PLPP3: variants seen among roughly 807,000 people sequenced by gnomAD.
The protein encoded by PLPP3 is PAP2 beta.
In PLPP3, 6 loss-of-function variants were observed where a neutral mutation model predicts 29.6. That is an observed-to-expected ratio of 0.20 (90% CI 0.11 to 0.40). The LOEUF is 0.40. Among genes scored for constraint, PLPP3 ranks in the 10% least tolerant of loss-of-function variants. The probability of loss-of-function intolerance (pLI) is 1.00; values close to 1 mark genes in which losing one functional copy is unlikely to be tolerated. For synonymous variants in PLPP3, 152 were observed against 159.7 expected, an observed-to-expected ratio of 0.95 and a Z score of 0.36; for missense variants, 308 against 407.7, an observed-to-expected ratio of 0.76 and a Z score of 2.11.
At chr1:56,554,758 G>A (rs1222417572) in intron 1 of PLPP3, among the ~76,000 whole-genome samples, 1 of 152,076 alleles carries the variant, frequency 6.6e-6, no homozygotes, top group African/African-American at 2.4e-5. Flanking sequence ...AGCCTATGTA[G>A]AGTTTTAAAG....
intron 1 of PLPP3, among the ~76,000 whole-genome samples, chr1:56,537,318 G>A (rs1019300877): frequency 7.9e-5 from 12 of 152,068 alleles, no homozygotes; most frequent in African/African-American, 2.9e-4. Flanking sequence ...ACCCCCATGA[G>A]GAGAGAGGCA....
Position 56,496,449 on chromosome 1 carries a change from A to T in PLPP3, c.*102T>A, listed in dbSNP as rs1645631614. ...TTTCCTTTTTAAAAATCAGTCGGGC[A>T]AAAGTTTTTCCCTACATTCTACTGT... On this transcript the variant is annotated 3_prime_UTR_variant, in exon 6 of 6. Transcript: ENST00000371250. The T allele has an allele frequency of 2.1e-6, 3 of 1,408,394 alleles. No homozygotes were observed. Among genetic ancestry groups the T allele is most frequent in the Non-Finnish European group, 2.9e-6 (3 of 1,037,970 alleles). The allele number at this position is 1,408,394 out of a possible 1,614,324, so 87.2% of individuals were successfully genotyped here. A position where few individuals can be genotyped will look rare whatever the true frequency, so the allele number is the denominator to read the frequency against.
At chr1:56,567,161 A>T (rs938009577) in intron 1 of PLPP3, among the ~76,000 whole-genome samples, 8 of 152,128 alleles carry the variant, frequency 5.3e-5, no homozygotes, top group African/African-American at 1.9e-4. Flanking sequence ...TCAGTGGGTG[A>T]GCGGGTCTAG....
intron 2 of PLPP3, among the ~76,000 whole-genome samples, chr1:56,533,284 A>C (rs1220129543): frequency 6.6e-6 from 1 of 152,040 alleles, no homozygotes; most frequent in Non-Finnish European, 1.5e-5. Flanking sequence ...CGGACTCCTG[A>C]CCTCAAGTGA....
chr1:56,544,398 C>T lies in PLPP3; in HGVS notation c.140-7286G>A, dbSNP rs550809017. ...TCTAGTGAAACACAACTACCAGAGC[C>T]AACAGGACTCATAATCCTTCCATCC... On this transcript the variant is annotated intron_variant, in intron 1 of 5. Transcript: ENST00000371250. Among the ~76,000 whole-genome samples, 4 of 152,280 alleles carry T rather than the reference C, an allele frequency of 2.6e-5. No homozygotes were observed. In the South Asian group the frequency reaches 8.3e-4, roughly 32 times the overall value.
intron 5 of PLPP3, among the ~76,000 whole-genome samples, chr1:56,504,243 C>T (rs571582549): frequency 2.0e-5 from 3 of 152,148 alleles, no homozygotes; most frequent in Non-Finnish European, 4.4e-5. Flanking sequence ...AGTGGGAGGA[C>T]GGCTTGAGCC....
chr1:56,514,115 C>T (rs953986398), intron 4 of PLPP3, among the ~76,000 whole-genome samples: 1 of 150,918 alleles, frequency 6.6e-6, no homozygotes, highest in Non-Finnish European at 1.5e-5. Flanking sequence ...GTGCTAAAGA[C>T]AAAGAAAAAT....
At chr1:56,501,527 C>A (rs916392486) in intron 5 of PLPP3, among the ~76,000 whole-genome samples, 2 of 152,136 alleles carry the variant, frequency 1.3e-5, no homozygotes, top group South Asian at 2.1e-4. Flanking sequence ...CTCTCCCCAG[C>A]CCCTGGTAAC....
intron 1 of PLPP3, among the ~76,000 whole-genome samples, chr1:56,554,496 C>T (rs548653975): frequency 8.6e-5 from 13 of 150,316 alleles, no homozygotes; most frequent in South Asian, 2.1e-4. Flanking sequence ...GGCGTGAACC[C>T]GGGAGGCGGA....
In PLPP3 at chr1:56,523,807, A is replaced by G. The variant is rs761144318; in HGVS notation, c.633+16T>C. ...CTGGAACTGAGCACTGCTCAAATCA[A>G]AGGGTGGGTACTTACCACCAAATAC... On this transcript the variant is annotated intron_variant, in intron 4 of 5. Transcript: ENST00000371250. 1.9e-6 allele frequency: 3 copies of G among 1,610,462 alleles called. No homozygotes were observed. Among genetic ancestry groups the G allele is most frequent in the Admixed American group, 3.3e-5 (2 of 59,968 alleles).
intron 1 of PLPP3, among the ~76,000 whole-genome samples, chr1:56,552,660 T>C (rs774616983): frequency 6.6e-6 from 1 of 152,186 alleles, no homozygotes; most frequent in Non-Finnish European, 1.5e-5. Context: ...CCTGCAGTTC[T>C]CCTCTCCCTT....
chr1:56,507,923 G>A (rs1645714557), intron 5 of PLPP3, among the ~76,000 whole-genome samples: 1 of 152,312 alleles, frequency 6.6e-6, no homozygotes, highest in South Asian at 2.1e-4. Context: ...ATGGGGCCAT[G>A]AGTCAAGGAA....
intron 1 of PLPP3, among the ~76,000 whole-genome samples, chr1:56,560,984 CCTG>C (rs1646122457): frequency 6.6e-6 from 1 of 150,986 alleles, no homozygotes; most frequent in Non-Finnish European, 1.5e-5. Context: ...ATTACAGGCG[CCTG>C]CCACCATGCC....
intron 1 of PLPP3, among the ~76,000 whole-genome samples, chr1:56,543,261 C>T (rs1196681877): frequency 3.9e-5 from 6 of 152,132 alleles, no homozygotes; most frequent in East Asian, 1.9e-4. Flanking sequence ...TTAATCTCCA[C>T]GATAGCTATG....
chr1:56,496,287 C>G lies in PLPP3; in HGVS notation c.*264G>C. On this transcript the variant is annotated 3_prime_UTR_variant, in exon 6 of 6. Transcript: ENST00000371250. ...AATCGTTTTAGTGTTTGTTCCTGAA[C>G]AAGCTGTGTTCACTAGAACATGAAC... 1 of 300,070 alleles carries G rather than the reference C, an allele frequency of 3.3e-6. No homozygotes were observed. The highest frequency in any genetic ancestry group is 4.3e-5 in the South Asian group (1 of 23,408). The allele number at this position is 300,070 out of a possible 1,614,324, so 18.6% of individuals were successfully genotyped here.
chr1:56,557,481 T>C (rs1348029277), intron 1 of PLPP3, among the ~76,000 whole-genome samples: 2 of 152,192 alleles, frequency 1.3e-5, no homozygotes, highest in African/African-American at 2.4e-5. Context: ...TGAATCAGAA[T>C]TGATAGAATC....
At chr1:56,523,965 T>C in intron 3 of PLPP3, 85 bp from the exon 4 acceptor site, 4 of 1,472,052 alleles carry the variant, frequency 2.7e-6, no homozygotes, top group Non-Finnish European at 3.8e-6. Flanking sequence ...CCCTAGACTG[T>C]AACCTTGAGA....
At position 56,524,198 on chromosome 1, in the gene PLPP3, G is replaced by A; in HGVS notation, c.575+79C>T. 4 of 1,531,108 alleles carry A rather than the reference G, an allele frequency of 2.6e-6. No homozygotes were observed. Among genetic ancestry groups the A allele is most frequent in the Non-Finnish European group, 3.6e-6 (4 of 1,123,022 alleles). The allele number at this position is 1,531,108 out of a possible 1,614,324, so 94.8% of individuals were successfully genotyped here. Reference sequence around the variant, plus strand: ...TGCCTTATTCACCCATCTAAACCAGGGCCCAGCTAGTAAGTGCTCACTGAA... The same window carrying A: ...TGCCTTATTCACCCATCTAAACCAGAGCCCAGCTAGTAAGTGCTCACTGAA... On this transcript the variant is annotated intron_variant, in intron 3 of 5. Coordinates refer to ENST00000371250, the MANE Select transcript of PLPP3 (RefSeq NM_003713.5). The surrounding 1 kb of genome is among the most constrained non-coding windows in gnomAD (Gnocchi z 4.3).
chr1:56,570,108 T>C (rs1557517344), intron 1 of PLPP3, among the ~76,000 whole-genome samples: 1 of 152,170 alleles, frequency 6.6e-6, no homozygotes, highest in Non-Finnish European at 1.5e-5. Flanking sequence ...ATATAGTAGG[T>C]GCTCAAGAAT....
Sources: gnomAD v4.1 joint callset for allele counts (sites outside exome capture counted in the v4.1 genomes callset) on GRCh38, gnomAD v4.1.1 for gene constraint, Gnocchi (gnomAD v3.1) non-coding constraint, MANE v1.5 for transcripts, NCBI Gene and HGNC (gene_info 2026-07-23, HGNC 2026-07-21) for gene names.